KNL1: variants seen among roughly 807,000 people sequenced by gnomAD.
KNL1 encodes outer kinetochore KNL1 complex subunit KNL1.
In KNL1, 66 loss-of-function variants were observed where a neutral mutation model predicts 201.3. That is an observed-to-expected ratio of 0.33 (90% CI 0.27 to 0.40). KNL1 has a LOEUF of 0.40. Among genes scored for constraint, KNL1 ranks in the 10% least tolerant of loss-of-function variants. The pLI is 1.00. For missense variants in KNL1, 2,815 were observed against 2,690.5 expected (o/e 1.05, Z -1.02); for synonymous variants, 895 against 899.2 (o/e 1.00, Z 0.08).
At chr15:40,616,794 A>G (rs11852694) in intron 8 of KNL1, among the ~76,000 whole-genome samples, 59,402 of 151,984 alleles carry the variant, frequency 0.39, 11,793 homozygotes, top group Middle Eastern at 0.47. Context: ...CTCCTTAGCA[A>G]TGAGTTAGAA....
At chr15:40,608,211 T>C (rs2141703338) in intron 4 of KNL1, among the ~76,000 whole-genome samples, 1 of 152,150 alleles carries the variant, frequency 6.6e-6, no homozygotes, top group South Asian at 2.1e-4. Flanking sequence ...CAGTGGCTCA[T>C]GCCTGTAATC....
chr15:40,629,797 G>A (rs922213828), intron 13 of KNL1, among the ~76,000 whole-genome samples: 2 of 151,572 alleles, frequency 1.3e-5, no homozygotes, highest in African/African-American at 4.8e-5. Flanking sequence ...CACTGCGCCC[G>A]GCCGAGAGTT....
At chr15:40,654,829 A>G in intron 21 of KNL1, 80 bp from the exon 22 acceptor site, 1 of 1,046,216 alleles carries the variant, frequency 9.6e-7, no homozygotes, top group Non-Finnish European at 1.5e-6. Context: ...AGACTGCGCC[A>G]TTGCACTCCA....
intron 11 of KNL1, 24 bp from the exon 12 acceptor site, chr15:40,628,587 C>A (rs1401830142): frequency 6.0e-6 from 9 of 1,510,516 alleles, no homozygotes; most frequent in Non-Finnish European, 8.2e-6. Context: ...ACTTGTTCGT[C>A]ACCAGAATTT....
Position 40,642,630 on chromosome 15 carries a change from C to G in KNL1, c.5798+1603C>G, listed in dbSNP as rs112549182. Among the ~76,000 whole-genome samples the G allele has an allele frequency of 2.8e-3, 423 of 151,996 alleles. 1 individual carries two copies. Among genetic ancestry groups the G allele is most frequent in the Non-Finnish European group, 4.9e-3 (334 of 67,960 alleles). The stretch of plus-strand genomic sequence containing the variant: ...CCTGAGAATGTTTGTTTGTTTGTTT[C>G]TTTGTTTATTTTAATGAGACAGAGT... On this transcript the variant is annotated intron_variant, in intron 14 of 25. Transcript: ENST00000399668.
In KNL1 at chr15:40,618,691, ATGTT is replaced by A. The variant is rs1164569677; in HGVS notation, c.323-265_323-262del. On this transcript the variant is annotated intron_variant, in intron 8 of 25. Coordinates refer to ENST00000399668, the MANE Select transcript of KNL1 (RefSeq NM_144508.5). Reference sequence around the variant, plus strand: ...TATATGTTCCCAACACAAAAGATAAATGTTTGAGGTGGTGGATATTCCAGTTACC... The same window carrying A: ...TATATGTTCCCAACACAAAAGATAAATGAGGTGGTGGATATTCCAGTTACC... Among the ~76,000 whole-genome samples the A allele has an allele frequency of 3.3e-5, 5 of 152,274 alleles. No individual in the cohort carries two copies. The East Asian group carries it at 9.6e-4, about 29-fold the overall frequency.
In KNL1 at chr15:40,604,907, A is replaced by G. The variant is rs118122124; in HGVS notation, c.36-203A>G. On this transcript the variant is annotated intron_variant, in intron 2 of 25. Coordinates refer to ENST00000399668, the MANE Select transcript of KNL1 (RefSeq NM_144508.5). ...TATGTTGTACTGATAATTATTCAAG[A>G]GATAGTCTCGTAGTACACAATATGT... 8.4e-3 allele frequency among the ~76,000 whole-genome samples: 1,287 copies of G among 152,312 alleles called. 9 individuals are homozygous for G. Among genetic ancestry groups the G allele is most frequent in the Non-Finnish European group, 0.015 (994 of 68,036 alleles).
Position 40,647,049 on chromosome 15 carries a change from T to C in KNL1, c.6069T>C (p.Asp2023=). 6.5e-7 allele frequency: 1 copy of C among 1,536,848 alleles called. No homozygotes were observed. Among genetic ancestry groups the C allele is most frequent in the Non-Finnish European group, 9.0e-7 (1 of 1,110,700 alleles). ...TGGATAAAATACTTAAGAAGATCGA[T>C]AACTGCCTCACTGAGATGGAAACAG... is the stretch of plus-strand genomic sequence containing the variant. ...DEMDKILKKI[D]NCLTEMETET... The change falls in exon 17 of 26, where the codon GAT becomes GAC. Residue 2023 remains aspartate, a synonymous_variant. Transcript: ENST00000399668.
chr15:40,596,132 C>A (rs1257637172), intron 1 of KNL1, among the ~76,000 whole-genome samples: 1 of 152,062 alleles, frequency 6.6e-6, no homozygotes, highest in Non-Finnish European at 1.5e-5. Context: ...ATGCATGGCA[C>A]CCTGAGATCA....
intron 13 of KNL1, among the ~76,000 whole-genome samples, chr15:40,637,217 C>G (rs1308395493): frequency 7.1e-6 from 1 of 141,682 alleles, no homozygotes; most frequent in Non-Finnish European, 1.6e-5. Flanking sequence ...TTAATCTTCA[C>G]TTTTTTTCTT....
At chr15:40,632,397 C>T (rs1595933686) in intron 13 of KNL1, among the ~76,000 whole-genome samples, 1 of 151,882 alleles carries the variant, frequency 6.6e-6, no homozygotes, top group African/African-American at 2.4e-5. Flanking sequence ...TTGCTTGACC[C>T]TAGGAATTTG....
intron 22 of KNL1, among the ~76,000 whole-genome samples, chr15:40,655,504 T>C (rs978276074): frequency 6.7e-6 from 1 of 148,926 alleles, no homozygotes; most frequent in African/African-American, 2.5e-5. Context: ...GGCAGGAGAA[T>C]CGCTTGAACC....
At chr15:40,599,154 G>A (rs1323229581) in intron 1 of KNL1, among the ~76,000 whole-genome samples, 2 of 151,112 alleles carry the variant, frequency 1.3e-5, no homozygotes, top group Non-Finnish European at 2.9e-5. Context: ...TAAAAAAAGA[G>A]TATTTTTCAA....
At chr15:40,594,678 G>A (rs1276844449) in intron 1 of KNL1, among the ~76,000 whole-genome samples, 1 of 152,168 alleles carries the variant, frequency 6.6e-6, no homozygotes, top group Non-Finnish European at 1.5e-5. Context: ...CTCTCTTGGC[G>A]TCCTCTTCCG....
At chr15:40,620,299 A>T (rs1892475666) in intron 9 of KNL1, among the ~76,000 whole-genome samples, 1 of 151,194 alleles carries the variant, frequency 6.6e-6, no homozygotes, top group Non-Finnish European at 1.5e-5. Context: ...TCCGCCTCCC[A>T]GGTTCACACC....
At chr15:40,644,689 G>A (rs920288208) in intron 14 of KNL1, among the ~76,000 whole-genome samples, 6 of 152,220 alleles carry the variant, frequency 3.9e-5, no homozygotes, top group African/African-American at 9.6e-5. Context: ...AGAGAATAGC[G>A]ATGACTTTTA....
At chr15:40,637,809 C>A (rs1893102096) in intron 13 of KNL1, among the ~76,000 whole-genome samples, 1 of 151,964 alleles carries the variant, frequency 6.6e-6, no homozygotes, top group African/African-American at 2.4e-5. Flanking sequence ...AAATTTATTT[C>A]ATGTATAAAC....
intron 4 of KNL1, 95 bp from the exon 5 acceptor site, chr15:40,608,745 CAAAAAAA>C: frequency 1.9e-6 from 1 of 534,648 alleles, no homozygotes; most frequent in Non-Finnish European, 3.0e-6. Flanking sequence ...AACTCCATCT[CAAAAAAA>C]AAAAAAAAAG....
chr15:40,640,694 A>T (rs1439547749), intron 13 of KNL1, among the ~76,000 whole-genome samples: 1 of 152,236 alleles, frequency 6.6e-6, no homozygotes, highest in African/African-American at 2.4e-5. Context: ...GTGAGTAAGA[A>T]CAACCACAGT....
Sources: allele counts gnomAD v4.1 joint callset (sites outside exome capture counted in the v4.1 genomes callset), GRCh38; gene constraint gnomAD v4.1.1; transcripts MANE v1.5; gene names NCBI Gene and HGNC (gene_info 2026-07-23, HGNC 2026-07-21).